Variants in RB1 observed in about 807,000 individuals in gnomAD.
RB1 encodes RB transcriptional corepressor 1, also known as retinoblastoma-associated protein.
Under a neutral mutation model 135.4 loss-of-function variants are expected in RB1, and 18 were observed. That is an observed-to-expected ratio of 0.13 (90% CI 0.09 to 0.20). The LOEUF (loss-of-function observed/expected upper bound fraction) is 0.20, where lower values mean the gene tolerates loss of function less well. Ranked by LOEUF, RB1 falls within the 10% of genes least tolerant of loss-of-function variation. The probability of loss-of-function intolerance (pLI) is 1.00; values close to 1 mark genes in which losing one functional copy is unlikely to be tolerated. For synonymous variants in RB1, 365 were observed against 373.2 expected, an observed-to-expected ratio of 0.98 and a Z score of 0.25; for missense variants, 868 against 1,110.0, an observed-to-expected ratio of 0.78 and a Z score of 3.10.
At position 48,356,263 on chromosome 13, in the gene RB1, T is replaced by C. The variant is rs192370294; in HGVS notation, c.608-3754T>C. Among the ~76,000 whole-genome samples, 19 of 152,152 alleles carry C rather than the reference T, an allele frequency of 1.2e-4. No homozygotes were observed. The East Asian group carries it at 3.7e-3, about 29-fold the overall frequency. ...AGATATCTTCATATATACATTTTGA[T>C]TAAAAAGATGGGTAGTTGAGTGCAT... On this transcript the variant is annotated intron_variant, in intron 6 of 26. Transcript: ENST00000267163.
intron 17 of RB1, among the ~76,000 whole-genome samples, chr13:48,400,949 C>G (rs1948686573): frequency 1.3e-5 from 2 of 152,222 alleles, no homozygotes; most frequent in East Asian, 1.9e-4. Flanking sequence ...AGGCACCCCT[C>G]CTCCCCCATC....
chr13:48,352,678 C>T (rs141787403), intron 6 of RB1, among the ~76,000 whole-genome samples: 25 of 152,138 alleles, frequency 1.6e-4, no homozygotes, highest in African/African-American at 6.0e-4. Flanking sequence ...TGTAGAACTA[C>T]TAGTGATTTT....
At chr13:48,461,791 T>C (rs1460631480) in intron 20 of RB1, among the ~76,000 whole-genome samples, 1 of 152,204 alleles carries the variant, frequency 6.6e-6, no homozygotes, top group African/African-American at 2.4e-5. Flanking sequence ...ATATCTTCTT[T>C]AGAGAAATGT....
At chr13:48,357,864 C>A (rs1004137476) in intron 6 of RB1, among the ~76,000 whole-genome samples, 1 of 152,118 alleles carries the variant, frequency 6.6e-6, no homozygotes, top group Admixed American at 6.6e-5. Context: ...ATGTCTCAAG[C>A]ATGATATTAC....
chr13:48,435,611 G>A (rs1174272113), intron 17 of RB1, among the ~76,000 whole-genome samples: 2 of 151,916 alleles, frequency 1.3e-5, no homozygotes, highest in African/African-American at 2.4e-5. Context: ...TATGGATTAT[G>A]CTTTTGGTGT....
chr13:48,426,844 G>C (rs1593506761), intron 17 of RB1: 1 of 152,270 alleles, frequency 6.6e-6, no homozygotes, highest in Admixed American at 6.5e-5. Context: ...AAAGAGTAGG[G>C]TTTAGTTGGC....
chr13:48,338,360 T>C (rs1057338835), intron 2 of RB1, among the ~76,000 whole-genome samples: 15 of 152,234 alleles, frequency 9.9e-5, no homozygotes, highest in Non-Finnish European at 1.8e-4. Flanking sequence ...CGGTATTTCT[T>C]GTAGGCTTTA....
chr13:48,317,812 C>T (rs1802000498), intron 2 of RB1: 2 of 368,290 alleles, frequency 5.4e-6, no homozygotes, highest in Non-Finnish European at 1.0e-5. Flanking sequence ...CCCCCTGGCC[C>T]ACTGACTCCG....
intron 2 of RB1, among the ~76,000 whole-genome samples, chr13:48,321,171 G>T (rs903924947): frequency 3.9e-5 from 6 of 152,118 alleles, no homozygotes; most frequent in Non-Finnish European, 5.9e-5. Flanking sequence ...CCCGCATCCG[G>T]GGGGAGGCGG....
chr13:48,413,704 G>A (rs147990812), intron 17 of RB1, among the ~76,000 whole-genome samples: 1 of 152,180 alleles, frequency 6.6e-6, no homozygotes, highest in African/African-American at 2.4e-5. Context: ...CTATGCAGTT[G>A]TATTAATATT....
intron 17 of RB1, among the ~76,000 whole-genome samples, chr13:48,396,130 G>T (rs1466443202): frequency 3.9e-5 from 6 of 152,090 alleles, no homozygotes; most frequent in Admixed American, 2.0e-4. Context: ...TTTCTTCACA[G>T]AATTAGAAAA....
At chr13:48,384,948 A>G (rs1035543252) in intron 17 of RB1, among the ~76,000 whole-genome samples, 2 of 152,220 alleles carry the variant, frequency 1.3e-5, no homozygotes, top group African/African-American at 2.4e-5. Context: ...TATCGAATGC[A>G]TCATACCTAA....
chr13:48,382,876 G>A (rs428498), intron 17 of RB1, among the ~76,000 whole-genome samples: 118,247 of 151,468 alleles, frequency 0.78, 51,917 homozygotes, highest in Non-Finnish European at 0.97. Flanking sequence ...TTTGTACAAG[G>A]TGTAAGGAAG....
intron 18 of RB1, among the ~76,000 whole-genome samples, chr13:48,455,784 T>C (rs1432133375): frequency 6.6e-6 from 1 of 152,170 alleles, no homozygotes; most frequent in Admixed American, 6.5e-5. Flanking sequence ...TGTGTGTAAA[T>C]CTGTGTGTAT....
chr13:48,326,811 AT>A (rs913504663), intron 2 of RB1, among the ~76,000 whole-genome samples: 8 of 150,850 alleles, frequency 5.3e-5, no homozygotes, highest in African/African-American at 7.3e-5. Context: ...TTTATACTGT[AT>A]TTTTTTTTGT....
At chr13:48,334,932 A>G (rs1952369631) in intron 2 of RB1, among the ~76,000 whole-genome samples, 1 of 152,016 alleles carries the variant, frequency 6.6e-6, no homozygotes, top group Non-Finnish European at 1.5e-5. Context: ...AGTATTTCTA[A>G]TTTTTCTCTC....
intron 6 of RB1, among the ~76,000 whole-genome samples, chr13:48,353,840 A>T (rs148769923): frequency 6.6e-6 from 1 of 152,300 alleles, no homozygotes; most frequent in East Asian, 1.9e-4. Flanking sequence ...GACAAAAATC[A>T]TATGATCATT....
chr13:48,445,600 T>C (rs918285457), intron 17 of RB1, among the ~76,000 whole-genome samples: 1 of 152,114 alleles, frequency 6.6e-6, no homozygotes, highest in Non-Finnish European at 1.5e-5. Flanking sequence ...AGACTCAGCG[T>C]CCATGTTACC....
At chr13:48,358,677 G>A (rs1171048225) in intron 6 of RB1, among the ~76,000 whole-genome samples, 1 of 152,032 alleles carries the variant, frequency 6.6e-6, no homozygotes, top group Admixed American at 6.6e-5. Context: ...AGCTATAGTT[G>A]TTTACTTCCT....
Sources: allele counts gnomAD v4.1 joint callset (sites outside exome capture counted in the v4.1 genomes callset), GRCh38; gene constraint gnomAD v4.1.1; transcripts MANE v1.5; gene names NCBI Gene and HGNC (gene_info 2026-07-23, HGNC 2026-07-21).